Variants in SOS1 observed in about 807,000 individuals in gnomAD.
The protein encoded by SOS1 is son of sevenless homolog 1.
Under a neutral mutation model 157.6 loss-of-function variants are expected in SOS1, and 25 were observed. The observed-to-expected ratio is 0.16, with a 90% CI of 0.12 to 0.22. The LOEUF (loss-of-function observed/expected upper bound fraction) is 0.22, where lower values mean the gene tolerates loss of function less well. SOS1 is among the 10% of genes least tolerant of loss of function. SOS1 has a pLI of 1.00. For missense variants in SOS1, 1,237 were observed against 1,599.1 expected, an observed-to-expected ratio of 0.77 and a Z score of 3.86; for synonymous variants, 528 against 534.0, an observed-to-expected ratio of 0.99 and a Z score of 0.16.
chr2:39,045,503 T>C (rs1670747780), intron 6 of SOS1, among the ~76,000 whole-genome samples: 1 of 152,168 alleles, frequency 6.6e-6, no homozygotes, highest in Admixed American at 6.5e-5. Flanking sequence ...TTCATGATAG[T>C]ATCCCTTTTA....
chr2:39,060,562 A>G (rs1327776666), intron 2 of SOS1, among the ~76,000 whole-genome samples: 1 of 152,186 alleles, frequency 6.6e-6, no homozygotes, highest in East Asian at 1.9e-4. Flanking sequence ...AGTAGCTGGC[A>G]TTACAGGCGT....
intron 1 of SOS1, among the ~76,000 whole-genome samples, chr2:39,109,486 T>A (rs1223532057): frequency 6.6e-6 from 1 of 152,240 alleles, no homozygotes; most frequent in East Asian, 1.9e-4. Context: ...TTCAAAGCCC[T>A]GTCCATTCAG....
At chr2:39,097,349 T>C (rs1672807856) in intron 1 of SOS1, among the ~76,000 whole-genome samples, 1 of 152,230 alleles carries the variant, frequency 6.6e-6, no homozygotes, top group Non-Finnish European at 1.5e-5. Context: ...ATGACAGTTA[T>C]AGGGACCATT....
chr2:39,122,922 G>C (rs1673944254), upstream of SOS1, among the ~76,000 whole-genome samples: 1 of 152,108 alleles, frequency 6.6e-6, no homozygotes, highest in Non-Finnish European at 1.5e-5. Flanking sequence ...CCAACATCAA[G>C]CCTGTACCCC....
At chr2:39,003,146 T>A (rs1320211774) in intron 17 of SOS1, among the ~76,000 whole-genome samples, 1 of 151,694 alleles carries the variant, frequency 6.6e-6, no homozygotes, top group Non-Finnish European at 1.5e-5. Context: ...TTAAACCTCA[T>A]AAGATCAGCA....
chr2:39,023,119 T>C lies in SOS1; in HGVS notation c.1309A>G (p.Ile437Val). The change falls in exon 10 of 23, where the codon ATT becomes GTT. Residue 437 changes from isoleucine to valine, a missense_variant. Transcript: ENST00000402219. ...KNIDGWEGKD[I>V]GQCCNEFIME... is the part of the protein sequence containing the mutation. Reference sequence around the variant, plus strand: ...ATAAATTCATTACAACACTGTCCAATGTCTTTTCCCTCCCAACCATCAATA... The same window carrying C: ...ATAAATTCATTACAACACTGTCCAACGTCTTTTCCCTCCCAACCATCAATA... 6.2e-7 allele frequency: 1 copy of C among 1,613,558 alleles called. No individual in the cohort carries two copies. The highest frequency in any genetic ancestry group is 8.5e-7 in the Non-Finnish European group (1 of 1,179,618).
At chr2:39,094,429 C>T (rs1397351028) in intron 1 of SOS1, among the ~76,000 whole-genome samples, 1 of 151,996 alleles carries the variant, frequency 6.6e-6, no homozygotes, top group Admixed American at 6.6e-5. Flanking sequence ...AGGTGGATCA[C>T]GAGGTCAGGA....
In SOS1 at chr2:39,026,128, G is replaced by A. The variant is rs188860285; in HGVS notation, c.1075-1991C>T. Among the ~76,000 whole-genome samples, 386 of 152,062 alleles carry A rather than the reference G, an allele frequency of 2.5e-3. 5 individuals are homozygous for A. The highest frequency in any genetic ancestry group is 0.018 in the Admixed American group (274 of 15,282). On this transcript the variant is annotated intron_variant, in intron 8 of 22. Coordinates refer to ENST00000402219, the MANE Select transcript of SOS1 (RefSeq NM_005633.4). ...TCCCAGCACTTTGGGAGGCTGAGGCGGGGGGATCACGAGGTCAGGAGTTTG... is the reference window on the plus strand; with the variant it reads ...TCCCAGCACTTTGGGAGGCTGAGGCAGGGGGATCACGAGGTCAGGAGTTTG...
At chr2:39,075,347 A>C (rs1671933165) in intron 1 of SOS1, among the ~76,000 whole-genome samples, 1 of 152,194 alleles carries the variant, frequency 6.6e-6, no homozygotes, top group Admixed American at 6.5e-5. Context: ...CAGGAAAGAT[A>C]AGAAATTCAA....
chr2:39,097,002 A>T (rs1441697324), intron 1 of SOS1, among the ~76,000 whole-genome samples: 1 of 152,202 alleles, frequency 6.6e-6, no homozygotes, highest in South Asian at 2.1e-4. Context: ...TAGCTACACA[A>T]TCTTGGATTA....
At chr2:39,079,563 C>T (rs547790759) in intron 1 of SOS1, among the ~76,000 whole-genome samples, 54 of 123,152 alleles carry the variant, frequency 4.4e-4, no homozygotes, top group Non-Finnish European at 6.8e-4. Context: ...AGTGTGATCT[C>T]GGCTCACTGC....
At chr2:39,030,836 C>G (rs767506508) in intron 8 of SOS1, among the ~76,000 whole-genome samples, 5 of 151,954 alleles carry the variant, frequency 3.3e-5, no homozygotes, top group Non-Finnish European at 7.4e-5. Flanking sequence ...AGCCCTAAAT[C>G]CACTGACTTG....
At chr2:39,120,288 C>A (rs1394569707) in intron 1 of SOS1, 48 bp downstream of exon 1, 1 of 1,506,034 alleles carries the variant, frequency 6.6e-7, no homozygotes. Context: ...CCCCAGCGCC[C>A]GCGCTGGGGG....
At chr2:39,082,844 G>A (rs1672254648) in intron 1 of SOS1, among the ~76,000 whole-genome samples, 1 of 152,086 alleles carries the variant, frequency 6.6e-6, no homozygotes, top group South Asian at 2.1e-4. Context: ...TGTACTTTGG[G>A]GCATACACGT....
intron 2 of SOS1, among the ~76,000 whole-genome samples, 167 bp downstream of exon 2, chr2:39,067,461 C>T (rs568725040): frequency 1.8e-4 from 27 of 152,208 alleles, no homozygotes; most frequent in Non-Finnish European, 3.4e-4. Flanking sequence ...CACTTCTGTT[C>T]CCAAGCATTC....
chr2:39,108,590 T>C (rs1281660587), intron 1 of SOS1, among the ~76,000 whole-genome samples: 1 of 152,136 alleles, frequency 6.6e-6, no homozygotes, highest in Non-Finnish European at 1.5e-5. Context: ...CCCACTTCCA[T>C]TTAAAAAGTC....
rs483352826 is a variant in SOS1, at chr2:39,013,489, C to T, written c.2138G>A (p.Arg713Gln). The change falls in exon 13 of 23, where the codon CGA becomes CAA. Residue 713 changes from arginine to glutamine, a missense_variant. Coordinates refer to ENST00000402219, the MANE Select transcript of SOS1 (RefSeq NM_005633.4). Reference protein sequence around the residue: ...DFERDAYLLQRMEEFIGTVRG... With the variant: ...DFERDAYLLQQMEEFIGTVRG... ...TACTGTTCCAATAAATTCTTCCATTCGTTGCAAAAGATATGCATCTCTTTC... is the reference window on the plus strand; with the variant it reads ...TACTGTTCCAATAAATTCTTCCATTTGTTGCAAAAGATATGCATCTCTTTC... 22 of 1,611,596 alleles carry T rather than the reference C, an allele frequency of 1.4e-5. No homozygotes were observed. Among genetic ancestry groups the T allele is most frequent in the South Asian group, 6.6e-5 (6 of 91,036 alleles).
At chr2:39,118,546 T>A (rs183035118) in intron 1 of SOS1, among the ~76,000 whole-genome samples, 1 of 152,184 alleles carries the variant, frequency 6.6e-6, no homozygotes, top group Non-Finnish European at 1.5e-5. Context: ...TATCTCTAAC[T>A]TAAAGTCAAA....
chr2:39,120,247 G>A (rs976860806), intron 1 of SOS1, 89 bp downstream of exon 1: 20 of 1,173,816 alleles, frequency 1.7e-5, no homozygotes, highest in Non-Finnish European at 2.3e-5. Context: ...AAGAAAGACG[G>A]CCCTGCGCGC....
Sources: allele counts gnomAD v4.1 joint callset (sites outside exome capture counted in the v4.1 genomes callset), GRCh38; gene constraint gnomAD v4.1.1; transcripts MANE v1.5; gene names NCBI Gene and HGNC (gene_info 2026-07-23, HGNC 2026-07-21).